The following AKT3 variants were observed in gnomAD, a reference collection of about 807,000 sequenced individuals.
AKT3 encodes AKT serine/threonine kinase 3.
In AKT3, 15 loss-of-function variants were observed where a neutral mutation model predicts 65.3. The ratio of observed to expected loss-of-function variants is 0.23; its 90% CI spans 0.15 to 0.35. AKT3 has a LOEUF of 0.35. Ranked by LOEUF, AKT3 falls within the 10% of genes least tolerant of loss-of-function variation. The pLI is 1.00. For synonymous variants in AKT3, 206 were observed against 183.8 expected (o/e 1.12, Z -0.98); for missense variants, 243 against 576.5 (o/e 0.42, Z 5.92).
intron 2 of AKT3, among the ~76,000 whole-genome samples, chr1:243,803,978 A>C (rs933378157): frequency 1.3e-5 from 2 of 152,230 alleles, no homozygotes; most frequent in Non-Finnish European, 2.9e-5. Context: ...ATAAGCACAC[A>C]ACAGAAGCCT....
chr1:243,506,925 A>G (rs545314895), intron 13 of AKT3, among the ~76,000 whole-genome samples: 2 of 152,378 alleles, frequency 1.3e-5, no homozygotes, highest in East Asian at 1.9e-4. Flanking sequence ...GTAAAAACGG[A>G]AGGAGCTGGG....
chr1:243,787,102 A>G (rs994409793), intron 2 of AKT3, among the ~76,000 whole-genome samples: 6 of 152,234 alleles, frequency 3.9e-5, no homozygotes, highest in Non-Finnish European at 5.9e-5. Flanking sequence ...TTGGTGTGGA[A>G]TAACTGCCAG....
At chr1:243,605,281 G>A (rs1406366751) in intron 8 of AKT3, among the ~76,000 whole-genome samples, 1 of 151,776 alleles carries the variant, frequency 6.6e-6, no homozygotes, top group Non-Finnish European at 1.5e-5. Context: ...TCCTATCTCA[G>A]CTGCCCAAAG....
At chr1:243,836,970 G>A (rs1289805154) in intron 2 of AKT3, among the ~76,000 whole-genome samples, 1 of 150,782 alleles carries the variant, frequency 6.6e-6, no homozygotes, top group Non-Finnish European at 1.5e-5. Flanking sequence ...ATTATCAAAG[G>A]AAAAAAGAGA....
chr1:243,701,604 A>T (rs1467484127), intron 2 of AKT3, among the ~76,000 whole-genome samples: 1 of 148,676 alleles, frequency 6.7e-6, no homozygotes, highest in African/African-American at 2.5e-5. Flanking sequence ...TTCATTTAGA[A>T]TTTAATTAGA....
rs75861930 is a variant in AKT3 at position 243,726,315 on chromosome 1, A to G, written c.47-30599T>C. ...AGTAAATTCCAGTGGTGAAATCTGGAAAAATTATCTGGATGAAGAGTCAGG... is the reference window on the plus strand; with the variant it reads ...AGTAAATTCCAGTGGTGAAATCTGGGAAAATTATCTGGATGAAGAGTCAGG... On this transcript the variant is annotated intron_variant, in intron 2 of 13. Coordinates refer to ENST00000673466, the MANE Select transcript of AKT3 (RefSeq NM_005465.7). Among the ~76,000 whole-genome samples the G allele has an allele frequency of 5.5e-4, 84 of 152,338 alleles. No homozygotes were observed. In the East Asian group the frequency reaches 0.015, roughly 27 times the overall value.
chr1:243,715,690 GA>G lies in AKT3; in HGVS notation c.47-19975del, dbSNP rs141005744. On this transcript the variant is annotated intron_variant, in intron 2 of 13. Coordinates refer to ENST00000673466, the MANE Select transcript of AKT3 (RefSeq NM_005465.7). Reference sequence around the variant, plus strand: ...CTTCTTGTTAAATAAACGAGGGAAAGAAAAAAAGTATTTTTAGAAGAGAAAC... The same window carrying G: ...CTTCTTGTTAAATAAACGAGGGAAAGAAAAAAGTATTTTTAGAAGAGAAAC... 6.1e-3 allele frequency among the ~76,000 whole-genome samples: 933 copies of G among 151,812 alleles called. 4 individuals are homozygous for G. The highest frequency in any genetic ancestry group is 0.021 in the African/African-American group (880 of 41,436).
chr1:243,757,647 T>C (rs1291814959), intron 2 of AKT3, among the ~76,000 whole-genome samples: 1 of 152,124 alleles, frequency 6.6e-6, no homozygotes, highest in East Asian at 1.9e-4. Flanking sequence ...AGAAAAAGCA[T>C]TATTCTTACA....
At chr1:243,681,095 T>C (rs2147974862) in intron 3 of AKT3, among the ~76,000 whole-genome samples, 1 of 152,276 alleles carries the variant, frequency 6.6e-6, no homozygotes, top group East Asian at 1.9e-4. Context: ...TGCAGGTTTA[T>C]CTCCCAGCTC....
chr1:243,802,607 G>A (rs973636020), intron 2 of AKT3, among the ~76,000 whole-genome samples: 1 of 152,032 alleles, frequency 6.6e-6, no homozygotes, highest in African/African-American at 2.4e-5. Context: ...CAGTATACTA[G>A]GATTCCTTCT....
At chr1:243,726,198 C>T (rs973984586) in intron 2 of AKT3, among the ~76,000 whole-genome samples, 2 of 152,076 alleles carry the variant, frequency 1.3e-5, no homozygotes, top group Admixed American at 6.5e-5. Flanking sequence ...TTAACCCACG[C>T]CCCAATATGT....
intron 2 of AKT3, among the ~76,000 whole-genome samples, chr1:243,734,606 A>G (rs909048884): frequency 6.6e-6 from 1 of 152,196 alleles, no homozygotes; most frequent in African/African-American, 2.4e-5. Context: ...TGGGGCTTGT[A>G]GGACTAGAAG....
intron 2 of AKT3, among the ~76,000 whole-genome samples, chr1:243,714,009 T>C (rs950334167): frequency 6.6e-6 from 1 of 152,150 alleles, no homozygotes; most frequent in Admixed American, 6.6e-5. Flanking sequence ...AGAGTTCTGC[T>C]GCAGAGTAGA....
At chr1:243,681,229 A>G (rs1191698326) in intron 3 of AKT3, among the ~76,000 whole-genome samples, 1 of 152,050 alleles carries the variant, frequency 6.6e-6, no homozygotes, top group Non-Finnish European at 1.5e-5. Flanking sequence ...ACACACACAT[A>G]TATGTGTATG....
intron 2 of AKT3, among the ~76,000 whole-genome samples, chr1:243,712,450 G>A (rs1243458080): frequency 6.6e-6 from 1 of 152,004 alleles, no homozygotes; most frequent in Non-Finnish European, 1.5e-5. Context: ...CCATGCTTTG[G>A]GCAATTTCTG....
chr1:243,678,794 T>A (rs944588183), intron 3 of AKT3, among the ~76,000 whole-genome samples: 1 of 152,240 alleles, frequency 6.6e-6, no homozygotes, highest in Admixed American at 6.5e-5. Context: ...TGGATGTTGG[T>A]TGTTTATGAA....
intron 2 of AKT3, among the ~76,000 whole-genome samples, chr1:243,801,489 TATTTC>T (rs1303427622): frequency 1.3e-5 from 2 of 152,312 alleles, no homozygotes; most frequent in African/African-American, 2.4e-5. Context: ...TCAGGGTTAT[TATTTC>T]ATTTAAACAC....
At chr1:243,652,913 C>A (rs1681483277) in intron 4 of AKT3, among the ~76,000 whole-genome samples, 1 of 151,760 alleles carries the variant, frequency 6.6e-6, no homozygotes, top group Admixed American at 6.6e-5. Context: ...AGCTAACTAT[C>A]CTAAATATAG....
intron 2 of AKT3, among the ~76,000 whole-genome samples, chr1:243,769,324 C>T (rs890194710): frequency 1.3e-5 from 2 of 152,150 alleles, no homozygotes; most frequent in Non-Finnish European, 2.9e-5. Flanking sequence ...TTTAGAAATA[C>T]ACCCAGGTGT....
Sources: allele counts gnomAD v4.1 joint callset (sites outside exome capture counted in the v4.1 genomes callset), GRCh38; gene constraint gnomAD v4.1.1; transcripts MANE v1.5; gene names NCBI Gene and HGNC (gene_info 2026-07-23, HGNC 2026-07-21).